Variants in GPC6 observed in about 807,000 individuals in gnomAD.
GPC6 encodes the protein glypican 6.
Under a neutral mutation model 55.2 loss-of-function variants are expected in GPC6, and 14 were observed. That is an observed-to-expected ratio of 0.25 (90% CI 0.17 to 0.40). GPC6 has a LOEUF of 0.40. Among genes scored for constraint, GPC6 ranks in the 10% least tolerant of loss-of-function variants. The probability of loss-of-function intolerance (pLI) is 1.00; values close to 1 mark genes in which losing one functional copy is unlikely to be tolerated. For missense variants in GPC6, 641 were observed against 708.5 expected, an observed-to-expected ratio of 0.90 and a Z score of 1.08; for synonymous variants, 278 against 259.6, an observed-to-expected ratio of 1.07 and a Z score of -0.68.
chr13:93,962,428 T>TA (rs1491226920), intron 3 of GPC6, among the ~76,000 whole-genome samples: 3 of 151,792 alleles, frequency 2.0e-5, no homozygotes, highest in East Asian at 1.9e-4. Flanking sequence ...TATATATATA[T>TA]TTTTTTTCTT....
intron 2 of GPC6, among the ~76,000 whole-genome samples, chr13:93,782,630 G>T (rs1045109019): frequency 7.2e-5 from 11 of 152,048 alleles, no homozygotes; most frequent in African/African-American, 2.7e-4. Context: ...ATCGTAACAA[G>T]TATGAAGCGA....
At chr13:93,817,882 AT>A (rs1358939074) in intron 2 of GPC6, among the ~76,000 whole-genome samples, 4 of 149,816 alleles carry the variant, frequency 2.7e-5, no homozygotes, top group Non-Finnish European at 5.9e-5. Context: ...AGATAGATAG[AT>A]AGATAGATAG....
chr13:94,361,980 T>C (rs1879077758), intron 6 of GPC6, among the ~76,000 whole-genome samples: 1 of 152,314 alleles, frequency 6.6e-6, no homozygotes, highest in Middle Eastern at 3.4e-3. Flanking sequence ...AAAAAATCCT[T>C]TCTAAGTTTT....
chr13:93,506,097 A>T (rs1594220010), intron 1 of GPC6, among the ~76,000 whole-genome samples: 1 of 152,128 alleles, frequency 6.6e-6, no homozygotes, highest in Non-Finnish European at 1.5e-5. Flanking sequence ...ATTTCTTCAG[A>T]TAGGAGAAAG....
intron 3 of GPC6, among the ~76,000 whole-genome samples, chr13:94,001,613 T>C (rs149209796): frequency 1.8e-4 from 27 of 152,272 alleles, no homozygotes; most frequent in Admixed American, 1.3e-3. Context: ...ACTCTCTAAA[T>C]TGTTGTGCGT....
At chr13:94,169,446 G>A (rs1174200827) in intron 4 of GPC6, among the ~76,000 whole-genome samples, 2 of 152,144 alleles carry the variant, frequency 1.3e-5, no homozygotes, top group Non-Finnish European at 2.9e-5. Flanking sequence ...ACAAGAGATG[G>A]AGAAAGCCAA....
chr13:93,996,900 G>A (rs1401427278), intron 3 of GPC6, among the ~76,000 whole-genome samples: 4 of 152,110 alleles, frequency 2.6e-5, no homozygotes, highest in African/African-American at 7.2e-5. Flanking sequence ...AAAATAACCT[G>A]GTTTCTGATC....
chr13:94,374,652 C>T (rs1398585722), intron 6 of GPC6, among the ~76,000 whole-genome samples: 5 of 151,654 alleles, frequency 3.3e-5, no homozygotes, highest in African/African-American at 4.9e-5. Context: ...GACAGTTCAA[C>T]GAGACAGAAA....
At chr13:93,693,394 G>T (rs1463241337) in intron 2 of GPC6, among the ~76,000 whole-genome samples, 1 of 151,606 alleles carries the variant, frequency 6.6e-6, no homozygotes, top group Admixed American at 6.6e-5. Flanking sequence ...AGGCCAATCT[G>T]TAATTTATTC....
rs540445761 is a variant in GPC6 at position 94,241,352 on chromosome 13, G to A, written c.878-44997G>A. Among the ~76,000 whole-genome samples, 7 of 152,182 alleles carry A rather than the reference G, an allele frequency of 4.6e-5. No homozygotes were observed. In the South Asian group the frequency reaches 1.2e-3, roughly 27 times the overall value. On this transcript the variant is annotated intron_variant, in intron 4 of 8. Transcript: ENST00000377047. ...CACTATGGCTTGGAAACTGATTGTC[G>A]GCTTTTTTTGGAATCTGAAAATTGG...
intron 1 of GPC6, among the ~76,000 whole-genome samples, chr13:93,460,838 T>C (rs912209507): frequency 6.6e-6 from 1 of 152,184 alleles, no homozygotes; most frequent in African/African-American, 2.4e-5. Flanking sequence ...ATTCCTTACA[T>C]AGGCAGTTTT....
chr13:94,351,731 G>C (rs564927093), intron 6 of GPC6, among the ~76,000 whole-genome samples: 1 of 151,756 alleles, frequency 6.6e-6, no homozygotes, highest in South Asian at 2.1e-4. Flanking sequence ...CTTCTGTCTC[G>C]GATTTAAACA....
At chr13:94,009,165 C>T (rs765447390) in intron 3 of GPC6, among the ~76,000 whole-genome samples, 1 of 152,040 alleles carries the variant, frequency 6.6e-6, no homozygotes, top group Non-Finnish European at 1.5e-5. Flanking sequence ...AGGATTTCCC[C>T]CCTAATAGGT....
At chr13:93,745,695 G>C (rs1018779055) in intron 2 of GPC6, among the ~76,000 whole-genome samples, 1 of 152,174 alleles carries the variant, frequency 6.6e-6, no homozygotes, top group Non-Finnish European at 1.5e-5. Context: ...AGGATCAGGA[G>C]GGTAAGCAAC....
rs557590788 is a variant in GPC6 at position 93,332,265 on chromosome 13, T to C, written c.160+104649T>C. Among the ~76,000 whole-genome samples, 12 of 151,022 alleles carry C rather than the reference T, an allele frequency of 7.9e-5. No homozygotes were observed. The South Asian group carries it at 1.5e-3, about 18-fold the overall frequency. On this transcript the variant is annotated intron_variant, in intron 1 of 8. Transcript: ENST00000377047. ...TAATATGGTATTTCTGTTTTTCTTT[T>C]TTTTTTTTTTTTGCGAAACCTCTGT...
intron 4 of GPC6, among the ~76,000 whole-genome samples, chr13:94,112,311 C>G (rs1197080999): frequency 6.6e-6 from 1 of 152,128 alleles, no homozygotes; most frequent in Non-Finnish European, 1.5e-5. Context: ...ATTTCATTTG[C>G]TAAAGTACAG....
At chr13:93,365,953 C>A (rs1489905078) in intron 1 of GPC6, among the ~76,000 whole-genome samples, 1 of 152,050 alleles carries the variant, frequency 6.6e-6, no homozygotes, top group African/African-American at 2.4e-5. Flanking sequence ...ATGTTCTATT[C>A]TCCAGCTTTA....
At chr13:94,105,358 A>T (rs1886016686) in intron 4 of GPC6, among the ~76,000 whole-genome samples, 1 of 30,372 alleles carries the variant, frequency 3.3e-5, no homozygotes, top group South Asian at 6.3e-4. Context: ...ATAGAGCAAA[A>T]TATCCTGTTT....
chr13:94,251,464 A>AG (rs1891346419), intron 4 of GPC6, among the ~76,000 whole-genome samples: 1 of 12,952 alleles, frequency 7.7e-5, no homozygotes, highest in Non-Finnish European at 1.5e-4. Flanking sequence ...AACTTAAAGG[A>AG]AAAAAAAAAA....
Sources: gnomAD v4.1 joint callset for allele counts (sites outside exome capture counted in the v4.1 genomes callset) on GRCh38, gnomAD v4.1.1 for gene constraint, MANE v1.5 for transcripts, NCBI Gene and HGNC (gene_info 2026-07-23, HGNC 2026-07-21) for gene names.